Variants in AUTS2 observed in about 807,000 individuals in gnomAD.
The protein encoded by AUTS2 is activator of transcription and developmental regulator AUTS2.
A neutral mutation model predicts 112.4 loss-of-function variants in AUTS2; 17 were observed. The observed-to-expected ratio is 0.15, with a 90% CI of 0.10 to 0.23. The LOEUF (loss-of-function observed/expected upper bound fraction) is 0.23, where lower values mean the gene tolerates loss of function less well. Ranked by LOEUF, AUTS2 falls within the 10% of genes least tolerant of loss-of-function variation. AUTS2 has a pLI of 1.00. For synonymous variants in AUTS2, 751 were observed against 702.7 expected, an observed-to-expected ratio of 1.07 and a Z score of -1.09; for missense variants, 1,510 against 1,701.6, an observed-to-expected ratio of 0.89 and a Z score of 1.98.
chr7:70,706,653 G>A (rs1056583345), intron 6 of AUTS2, among the ~76,000 whole-genome samples: 3 of 152,188 alleles, frequency 2.0e-5, no homozygotes, highest in African/African-American at 7.2e-5. Context: ...CATTTGGTTG[G>A]AGTTTATATT....
At position 70,766,349 on chromosome 7, in the gene AUTS2, C is replaced by T; in HGVS notation, c.1689+15C>T. 1 of 1,613,512 alleles carries T rather than the reference C, an allele frequency of 6.2e-7. No individual in the cohort carries two copies. The highest frequency in any genetic ancestry group is 8.5e-7 in the Non-Finnish European group (1 of 1,179,764). On this transcript the variant is annotated intron_variant, in intron 9 of 18. Transcript: ENST00000342771. The surrounding 1 kb of genome is among the most constrained non-coding windows in gnomAD (Gnocchi z 4.8). Reference sequence around the variant, plus strand: ...CACCTCCCATGGTGCGTACCCCAGGCAGAAATGTGAGGATAAGTAGAGCAC... The same window carrying T: ...CACCTCCCATGGTGCGTACCCCAGGTAGAAATGTGAGGATAAGTAGAGCAC...
chr7:69,883,509 A>T (rs1440398905), intron 1 of AUTS2, among the ~76,000 whole-genome samples: 1 of 152,156 alleles, frequency 6.6e-6, no homozygotes, highest in South Asian at 2.1e-4. Flanking sequence ...CTCTCTCTTG[A>T]CAAAACAGCT....
At chr7:69,893,437 A>G (rs929212233) in intron 1 of AUTS2, among the ~76,000 whole-genome samples, 12 of 152,224 alleles carry the variant, frequency 7.9e-5, no homozygotes, top group Non-Finnish European at 1.8e-4. Context: ...GGTATACAAT[A>G]AACCAGCAAG....
chr7:70,662,498 C>G (rs1440391203), intron 5 of AUTS2, among the ~76,000 whole-genome samples: 1 of 152,190 alleles, frequency 6.6e-6, no homozygotes, highest in Non-Finnish European at 1.5e-5. Flanking sequence ...CCCCAGTGTT[C>G]AAGCGAGAGT....
intron 1 of AUTS2, among the ~76,000 whole-genome samples, chr7:69,690,303 A>G (rs542004112): frequency 3.3e-5 from 5 of 152,328 alleles, no homozygotes; most frequent in African/African-American, 9.6e-5. Flanking sequence ...TTCTCTATGT[A>G]TGAATTGCTC....
chr7:70,082,651 C>G (rs568924514), intron 2 of AUTS2, among the ~76,000 whole-genome samples: 1 of 152,200 alleles, frequency 6.6e-6, no homozygotes, highest in Non-Finnish European at 1.5e-5. Flanking sequence ...TTTCTGTTAA[C>G]AGAATATCTC....
intron 1 of AUTS2, among the ~76,000 whole-genome samples, chr7:69,691,196 G>A (rs142637196): frequency 0.015 from 2,341 of 152,222 alleles, 24 homozygotes; most frequent in Non-Finnish European, 0.022. Flanking sequence ...CCTGGAGAAA[G>A]CACCGTAAGT....
Position 69,928,102 on chromosome 7 carries a change from T to A in AUTS2, c.522+28604T>A, listed in dbSNP as rs1796092265. 2.0e-5 allele frequency among the ~76,000 whole-genome samples: 3 copies of A among 152,168 alleles called. No individual in the cohort carries two copies. In the South Asian group the frequency reaches 6.2e-4, roughly 32 times the overall value. Reference sequence around the variant, plus strand: ...GAACTTTATTGAGTGACAGACCAGCTCTCAGTGGAGACCTGAAGTGAGTAG... The same window carrying A: ...GAACTTTATTGAGTGACAGACCAGCACTCAGTGGAGACCTGAAGTGAGTAG... On this transcript the variant is annotated intron_variant, in intron 2 of 18. Coordinates refer to ENST00000342771, the MANE Select transcript of AUTS2 (RefSeq NM_015570.4).
chr7:69,739,739 C>A (rs1266650524), intron 1 of AUTS2, among the ~76,000 whole-genome samples: 1 of 152,162 alleles, frequency 6.6e-6, no homozygotes. Flanking sequence ...AGAATTGGCT[C>A]TTTGAGGCTT....
At chr7:70,642,689 A>T (rs963381471) in intron 5 of AUTS2, among the ~76,000 whole-genome samples, 3 of 152,142 alleles carry the variant, frequency 2.0e-5, no homozygotes, top group African/African-American at 7.2e-5. Flanking sequence ...CTCTTGTCTC[A>T]GGTCAACTTT....
At chr7:70,271,565 A>G (rs537090195) in intron 4 of AUTS2, among the ~76,000 whole-genome samples, 4 of 152,360 alleles carry the variant, frequency 2.6e-5, no homozygotes, top group African/African-American at 7.2e-5. Flanking sequence ...TTATACATCA[A>G]TGCAGTATTT....
intron 1 of AUTS2, among the ~76,000 whole-genome samples, chr7:69,830,038 T>C (rs1399571988): frequency 6.6e-6 from 1 of 152,148 alleles, no homozygotes; most frequent in Non-Finnish European, 1.5e-5. Context: ...ATATACACCA[T>C]GGAATACTGT....
At chr7:70,105,198 C>T (rs373367482) in intron 2 of AUTS2, among the ~76,000 whole-genome samples, 3 of 152,002 alleles carry the variant, frequency 2.0e-5, no homozygotes, top group East Asian at 3.9e-4. Context: ...TTGGGAAGTA[C>T]AATTTAATTT....
intron 2 of AUTS2, among the ~76,000 whole-genome samples, chr7:69,952,741 T>C (rs1173781795): frequency 6.6e-6 from 1 of 152,190 alleles, no homozygotes; most frequent in Non-Finnish European, 1.5e-5. Context: ...GCCTTTCATA[T>C]CTATTCACTT....
intron 5 of AUTS2, among the ~76,000 whole-genome samples, chr7:70,454,817 C>A (rs55827919): frequency 0.14 from 22,027 of 152,198 alleles, 1,681 homozygotes; most frequent in African/African-American, 0.18. Flanking sequence ...GTGCAAAGCA[C>A]ACTACTGGAC....
In AUTS2 at chr7:69,970,305, C is replaced by T. The variant is rs1797797244; in HGVS notation, c.522+70807C>T. ...TTTCTATGTCCTATAAGTGATGATT[C>T]CAAAAGCTCTATATCTAGCATAATA... is the stretch of plus-strand genomic sequence containing the variant. On this transcript the variant is annotated intron_variant, in intron 2 of 18. Transcript: ENST00000342771. Among the ~76,000 whole-genome samples, 3 of 152,080 alleles carry T rather than the reference C, an allele frequency of 2.0e-5. No homozygotes were observed. In the South Asian group the frequency reaches 6.2e-4, roughly 32 times the overall value.
At chr7:70,178,995 C>T (rs1422401060) in intron 4 of AUTS2, among the ~76,000 whole-genome samples, 1 of 152,176 alleles carries the variant, frequency 6.6e-6, no homozygotes, top group Non-Finnish European at 1.5e-5. Context: ...CACTGTCTCA[C>T]TTTCCTGGCT....
At chr7:69,822,553 TATA>T (rs1214078890) in intron 1 of AUTS2, among the ~76,000 whole-genome samples, 2 of 152,218 alleles carry the variant, frequency 1.3e-5, no homozygotes, top group African/African-American at 4.8e-5. Flanking sequence ...ACATTTTGTT[TATA>T]ATTGGACAGT....
chr7:70,196,285 T>C (rs894424187), intron 4 of AUTS2, among the ~76,000 whole-genome samples: 19 of 152,180 alleles, frequency 1.2e-4, no homozygotes, highest in African/African-American at 2.2e-4. Context: ...AATGAAATAA[T>C]TGGGCTTGGG....
Sources: allele counts gnomAD v4.1 joint callset (sites outside exome capture counted in the v4.1 genomes callset), GRCh38; gene constraint gnomAD v4.1.1; non-coding constraint Gnocchi (gnomAD v3.1); transcripts MANE v1.5; gene names NCBI Gene and HGNC (gene_info 2026-07-23, HGNC 2026-07-21).